The following DNAH3 variants were observed in gnomAD, a reference collection of about 807,000 sequenced individuals.
DNAH3 encodes dynein axonemal heavy chain 3, also known as axonemal beta dynein heavy chain 3.
In DNAH3, 332 loss-of-function variants were observed where a neutral mutation model predicts 432.5. That is an observed-to-expected ratio of 0.77 (90% confidence interval 0.70 to 0.84). The LOEUF is 0.84. Ranked by LOEUF, DNAH3 falls within the 40% of genes least tolerant of loss-of-function variation. The pLI, the probability that DNAH3 is intolerant of heterozygous loss-of-function variation, is 0.00. For synonymous variants in DNAH3, 1,956 were observed against 1,900.2 expected (o/e 1.03, Z -0.76); for missense variants, 4,861 against 5,114.0 (o/e 0.95, Z 1.51).
At chr16:21,151,326 T>G (rs1001179077) in intron 1 of DNAH3, among the ~76,000 whole-genome samples, 1 of 151,510 alleles carries the variant, frequency 6.6e-6, no homozygotes, top group South Asian at 2.1e-4. Flanking sequence ...TCCCCGTTTT[T>G]TTTTTTTTTT....
exon 53 of DNAH3, chr16:20,965,269 G>C (rs779528371): frequency 6.2e-7 from 1 of 1,613,652 alleles, no homozygotes; most frequent in East Asian, 2.2e-5. Context: ...TTTAATGACA[G>C]CTGGCTGGAA....
chr16:20,985,146 A>G, exon 48 of DNAH3: 1 of 1,614,234 alleles, frequency 6.2e-7, no homozygotes, highest in Non-Finnish European at 8.5e-7. Context: ...TCCTGGCTGC[A>G]GTCTGCATCT....
chr16:21,063,795 A>C (rs2090448248), intron 24 of DNAH3, among the ~76,000 whole-genome samples: 1 of 151,860 alleles, frequency 6.6e-6, no homozygotes. Flanking sequence ...CATCCACCTC[A>C]CCTCCCAGAG....
rs2086305531 is a variant in DNAH3, at chr16:20,988,189, A to C, written c.6602-124T>G. ...TTCATGTTCCAGAGCTGTGCTGTGCAATATGGCAACCTCTAGCCACCTGCA... is the reference window on the plus strand; with the variant it reads ...TTCATGTTCCAGAGCTGTGCTGTGCCATATGGCAACCTCTAGCCACCTGCA... On this transcript the variant is annotated intron_variant, in intron 44 of 61. Coordinates refer to ENST00000261383, the Ensembl canonical transcript of DNAH3. 17 of 1,233,162 alleles carry C rather than the reference A, an allele frequency of 1.4e-5. No individual in the cohort carries two copies. In the South Asian group the frequency reaches 2.5e-4, roughly 18 times the overall value. 76.4% of individuals were successfully genotyped at this position (1,233,162 alleles called of 1,614,324 possible). A position where few individuals can be genotyped will look rare whatever the true frequency, so the allele number is the denominator to read the frequency against.
intron 19 of DNAH3, among the ~76,000 whole-genome samples, chr16:21,083,594 A>G (rs1373956097): frequency 1.3e-5 from 2 of 152,202 alleles, no homozygotes; most frequent in Non-Finnish European, 2.9e-5. Flanking sequence ...GTAAGGCTCT[A>G]ACTTTTTCTA....
chr16:21,072,831 T>C (rs1359604694), intron 21 of DNAH3, among the ~76,000 whole-genome samples: 1 of 147,572 alleles, frequency 6.8e-6, no homozygotes, highest in African/African-American at 2.5e-5. Context: ...ATTATTATTA[T>C]TATTATTATT....
intron 27 of DNAH3, among the ~76,000 whole-genome samples, chr16:21,055,626 G>GA (rs1434615591): frequency 6.6e-6 from 1 of 151,786 alleles, no homozygotes; most frequent in Non-Finnish European, 1.5e-5. Flanking sequence ...ACTTAAAAAG[G>GA]AAAAAAAGTA....
chr16:20,963,494 A>G, exon 53 of DNAH3: 3 of 1,614,158 alleles, frequency 1.9e-6, no homozygotes, highest in Non-Finnish European at 2.5e-6. Context: ...GAGAACTTCC[A>G]AGACCCAGGG....
At chr16:20,937,105 T>G (rs570527867) in intron 59 of DNAH3, among the ~76,000 whole-genome samples, 19 of 152,376 alleles carry the variant, frequency 1.2e-4, no homozygotes, top group Admixed American at 9.2e-4. Context: ...CTGTTTTTCT[T>G]TCTTAGCATA....
In DNAH3 at chr16:20,975,220, TCA is replaced by T. The variant is rs758556078; in HGVS notation, c.8259+11_8259+12del. ...CAGCACCAGTTCCCTCCCTTTCTTC[TCA>T]GTCTTTCTACCTTGATTCCTTGGGC... On this transcript the variant is annotated intron_variant, in intron 51 of 61. Coordinates refer to ENST00000261383, the Ensembl canonical transcript of DNAH3. 1 of 1,612,034 alleles carries T rather than the reference TCA, an allele frequency of 6.2e-7. No individual in the cohort carries two copies. Among genetic ancestry groups the T allele is most frequent in the South Asian group, 1.1e-5 (1 of 90,882 alleles).
intron 42 of DNAH3, among the ~76,000 whole-genome samples, chr16:21,001,215 G>A (rs1239666403): frequency 6.6e-6 from 1 of 152,182 alleles, no homozygotes; most frequent in Non-Finnish European, 1.5e-5. Context: ...TCTTAAGGCC[G>A]GGTCTCGGGC....
intron 7 of DNAH3, among the ~76,000 whole-genome samples, chr16:21,131,873 A>AG (rs1361274496): frequency 1.4e-5 from 2 of 145,450 alleles, no homozygotes; most frequent in African/African-American, 2.5e-5. Context: ...AAAAAAAAAA[A>AG]GGGGGAGAGA....
At chr16:21,106,865 G>A (rs1035470255) in intron 14 of DNAH3, among the ~76,000 whole-genome samples, 191 bp from the exon 15 acceptor site, 8 of 151,816 alleles carry the variant, frequency 5.3e-5, no homozygotes, top group Non-Finnish European at 8.8e-5. Context: ...TAAACTCCAG[G>A]AATAATAGCA....
intron 31 of DNAH3, among the ~76,000 whole-genome samples, chr16:21,047,495 C>T (rs1437634584): frequency 6.6e-6 from 1 of 152,162 alleles, no homozygotes; most frequent in Non-Finnish European, 1.5e-5. Context: ...GCATTCTTCA[C>T]GTAGTTCTCT....
In DNAH3 at chr16:21,101,149, C is replaced by A. The variant is rs4783520; in HGVS notation, c.2367-2380G>T. ...AGCTTAGCCTAGCCTATCTTAAATGCACTCAGAACACTCACATTAGTCCAC... is the reference window on the plus strand; with the variant it reads ...AGCTTAGCCTAGCCTATCTTAAATGAACTCAGAACACTCACATTAGTCCAC... On this transcript the variant is annotated intron_variant, in intron 16 of 61. Transcript: ENST00000261383. Among the ~76,000 whole-genome samples the A allele has an allele frequency of 2.0e-5, 3 of 152,108 alleles. No homozygotes were observed. In the East Asian group the frequency reaches 5.8e-4, roughly 29 times the overall value.
exon 3 of DNAH3, chr16:21,145,320 G>A: frequency 1.9e-6 from 3 of 1,614,190 alleles, no homozygotes; most frequent in Non-Finnish European, 2.5e-6. Flanking sequence ...TGGGTCCACG[G>A]TGGTGATGCT....
At chr16:20,984,425 G>A (rs529247527) in intron 48 of DNAH3, among the ~76,000 whole-genome samples, 61 of 152,190 alleles carry the variant, frequency 4.0e-4, no homozygotes, top group African/African-American at 1.3e-3. Context: ...GTAACAGACA[G>A]GACTTGGTAA....
At chr16:20,998,839 G>A (rs2152689062) in intron 43 of DNAH3, among the ~76,000 whole-genome samples, 1 of 151,698 alleles carries the variant, frequency 6.6e-6, no homozygotes, top group East Asian at 1.9e-4. Flanking sequence ...CATTTTAGGA[G>A]CTTTATATAC....
At chr16:20,989,460 A>C (rs1334905809) in intron 44 of DNAH3, among the ~76,000 whole-genome samples, 1 of 152,188 alleles carries the variant, frequency 6.6e-6, no homozygotes, top group Non-Finnish European at 1.5e-5. Flanking sequence ...CAGAGTGTCG[A>C]TTGGTGCACT....
Sources: gnomAD v4.1 joint callset for allele counts (sites outside exome capture counted in the v4.1 genomes callset) on GRCh38, gnomAD v4.1.1 for gene constraint, MANE v1.5 for transcripts, NCBI Gene and HGNC (gene_info 2026-07-23, HGNC 2026-07-21) for gene names.